The following TNRC18 variants were observed in gnomAD, a reference collection of about 807,000 sequenced individuals.
TNRC18 encodes trinucleotide repeat-containing gene 18 protein.
In TNRC18, 69 loss-of-function variants were observed where a neutral mutation model predicts 226.7. The ratio of observed to expected loss-of-function variants is 0.30; its 90% confidence interval spans 0.25 to 0.37. The LOEUF is 0.37. Among genes scored for constraint, TNRC18 ranks in the 10% least tolerant of loss-of-function variants. The pLI is 1.00. For missense variants in TNRC18, 4,754 were observed against 4,256.6 expected, an observed-to-expected ratio of 1.12 and a Z score of -3.25; for synonymous variants, 2,449 against 1,927.6, an observed-to-expected ratio of 1.27 and a Z score of -7.09.
chr7:5,357,609 G>C (rs901429682), intron 15 of TNRC18, among the ~76,000 whole-genome samples: 1 of 152,014 alleles, frequency 6.6e-6, no homozygotes. Context: ...CAGCTTTTCT[G>C]GTAGCTGGGA....
intron 5 of TNRC18, among the ~76,000 whole-genome samples, chr7:5,385,325 A>G (rs1318945022): frequency 1.3e-5 from 2 of 152,010 alleles, no homozygotes; most frequent in African/African-American, 4.8e-5. Flanking sequence ...CGTCTCTACT[A>G]AAAATACAAA....
intron 5 of TNRC18, 80 bp from the exon 6 acceptor site, chr7:5,378,104 C>T: frequency 2.5e-6 from 3 of 1,178,322 alleles, no homozygotes; most frequent in Non-Finnish European, 3.7e-6. Flanking sequence ...GCCCTCACCC[C>T]TCCCTGGGCC....
intron 8 of TNRC18, 100 bp from the exon 9 acceptor site, chr7:5,376,324 C>A (rs1278644029): frequency 1.8e-5 from 20 of 1,090,782 alleles, no homozygotes; most frequent in Non-Finnish European, 2.4e-5. Flanking sequence ...CACACCCACA[C>A]AGTGGGGAGC....
chr7:5,377,834 C>T lies in TNRC18; in HGVS notation c.2255+88G>A. The stretch of plus-strand genomic sequence containing the variant: ...ACCATAGCATCCATGGTCGAGGGGC[C>T]AAGCCCACCTGGGGTCATCCAGCTG... On this transcript the variant is annotated intron_variant, in intron 6 of 29. Coordinates refer to ENST00000430969, the MANE Select transcript of TNRC18 (RefSeq NM_001080495.3). The surrounding 1 kb of genome is among the most constrained non-coding windows in gnomAD (Gnocchi z 5.8). 1 of 1,357,946 alleles carries T rather than the reference C, an allele frequency of 7.4e-7. No homozygotes were observed. Among genetic ancestry groups the T allele is most frequent in the East Asian group, 2.3e-5 (1 of 42,570 alleles). 84.1% of individuals were successfully genotyped at this position (1,357,946 alleles called of 1,614,324 possible). A position where few individuals can be genotyped will look rare whatever the true frequency, so the allele number is the denominator to read the frequency against.
Position 5,389,461 on chromosome 7 carries a change from G to GTTTTTTTTTTTGTTTT in TNRC18, c.488-126_488-125insAAAACAAAAAAAAAAA, listed in dbSNP as rs754143983. The GTTTTTTTTTTTGTTTT allele has an allele frequency of 8.7e-5, 49 of 565,548 alleles. 1 individual carries two copies. In the African/African-American group the frequency reaches 1.3e-3, roughly 15 times the overall value. 35.0% of individuals were successfully genotyped at this position (565,548 alleles called of 1,614,324 possible). On this transcript the variant is annotated intron_variant, in intron 4 of 29. Transcript: ENST00000430969. ...TGCCTCCCCCAGTGTTTTGGTTTTG[G>GTTTTTTTTTTTGTTTT]TTTTTTTTTTCAGAAAGAGTCTCGC... is the stretch of plus-strand genomic sequence containing the variant.
intron 2 of TNRC18, among the ~76,000 whole-genome samples, chr7:5,395,570 G>A (rs1051693100): frequency 6.6e-6 from 1 of 152,246 alleles, no homozygotes; most frequent in African/African-American, 2.4e-5. Flanking sequence ...ACAGGTCAGA[G>A]AGAAGCATGC....
intron 2 of TNRC18, among the ~76,000 whole-genome samples, chr7:5,418,545 C>T (rs1782333670): frequency 6.6e-6 from 1 of 152,184 alleles, no homozygotes; most frequent in Non-Finnish European, 1.5e-5. Flanking sequence ...TTTATAAGCC[C>T]TGACAGCGCT....
intron 19 of TNRC18, among the ~76,000 whole-genome samples, chr7:5,329,106 G>A (rs1269949243): frequency 6.6e-6 from 1 of 151,140 alleles, no homozygotes; most frequent in African/African-American, 2.4e-5. Flanking sequence ...AGTTCGAGAC[G>A]AGACTGGCCA....
Position 5,388,443 on chromosome 7 carries a change from G to C in TNRC18, c.1381C>G (p.Pro461Ala). The C allele has an allele frequency of 6.8e-7, 1 of 1,460,650 alleles. No homozygotes were observed. The highest frequency in any genetic ancestry group is 1.5e-5 in the African/African-American group (1 of 66,500). The allele number at this position is 1,460,650 out of a possible 1,614,324, so 90.5% of individuals were successfully genotyped here. Reference protein sequence around the residue: ...RASPDPRAYVPAKELLKPEAD... With the variant: ...RASPDPRAYVAAKELLKPEAD... The stretch of plus-strand genomic sequence containing the variant: ...TCGGGCTTGAGCAGCTCCTTGGCAG[G>C]CACGTAGGCGCGGGGGTCCGGGGAG... Residue 461 changes from proline (P) to alanine (A), a missense_variant, in exon 5 of 30, where the codon CCT becomes GCT. Coordinates refer to ENST00000430969, the MANE Select transcript of TNRC18 (RefSeq NM_001080495.3).
intron 24 of TNRC18, among the ~76,000 whole-genome samples, chr7:5,316,341 A>ATGAT (rs1787849127): frequency 7.4e-6 from 1 of 135,652 alleles, no homozygotes. Context: ...GTGCAATGGC[A>ATGAT]TGATCTTGGC....
rs1299225207 is a variant in TNRC18, at chr7:5,320,389, G to A, written c.6674C>T (p.Pro2225Leu). 1 of 1,562,090 alleles carries A rather than the reference G, an allele frequency of 6.4e-7. No individual in the cohort carries two copies. The highest frequency in any genetic ancestry group is 1.4e-5 in the African/African-American group (1 of 73,756). The change falls in exon 24 of 30, where the codon CCA (proline) becomes CTA (leucine). Residue 2225 changes from proline (P) to leucine (L), a missense_variant. Coordinates refer to ENST00000430969, the MANE Select transcript of TNRC18 (RefSeq NM_001080495.3). ...DVRPASTRFL[P>L]QGTRIAAYWS... Reference sequence around the variant, plus strand: ...GTAGGCTGCAATCCTGGTCCCTTGTGGCAAGAAGCGAGTGGAGGCTGGCCT... The same window carrying A: ...GTAGGCTGCAATCCTGGTCCCTTGTAGCAAGAAGCGAGTGGAGGCTGGCCT...
chr7:5,327,745 T>TA lies in TNRC18; in HGVS notation c.6148-2498dup, dbSNP rs1261468626. ...CTGGGTGCCTTCCCCTACTTTTTTG[T>TA]AAAAAAAACATAAAGTAAATAAGAA... On this transcript the variant is annotated intron_variant, in intron 19 of 29. Transcript: ENST00000430969. Among the ~76,000 whole-genome samples, 807 of 151,338 alleles carry TA rather than the reference T, an allele frequency of 5.3e-3. 6 individuals carry two copies. The highest frequency in any genetic ancestry group is 0.017 in the African/African-American group (699 of 41,254).
intron 1 of TNRC18, chr7:5,422,771 C>G (rs1040401868): frequency 1.3e-5 from 2 of 152,276 alleles, no homozygotes; most frequent in Admixed American, 1.3e-4. Context: ...CAAACACCCC[C>G]TCCCTCCCTC....
intron 5 of TNRC18, among the ~76,000 whole-genome samples, chr7:5,382,804 G>A (rs191918018): frequency 6.6e-6 from 1 of 152,188 alleles, no homozygotes; most frequent in East Asian, 1.9e-4. Context: ...AATGGGGAGA[G>A]TAACAGCCCC....
At chr7:5,362,970 A>G (rs1793220603) in intron 11 of TNRC18, 145 bp from the exon 12 acceptor site, 2 of 796,240 alleles carry the variant, frequency 2.5e-6, no homozygotes, top group East Asian at 5.9e-5. Flanking sequence ...CCTTTGTGAC[A>G]TGCCGGAAGT....
chr7:5,361,215 C>T (rs1019422951), intron 14 of TNRC18, among the ~76,000 whole-genome samples: 6 of 152,146 alleles, frequency 3.9e-5, no homozygotes, highest in African/African-American at 1.2e-4. Flanking sequence ...GGAGACCGAG[C>T]GACAGCCGGG....
intron 2 of TNRC18, among the ~76,000 whole-genome samples, chr7:5,412,582 AT>A (rs1487208424): frequency 4.8e-5 from 7 of 144,446 alleles, no homozygotes; most frequent in African/African-American, 2.0e-4. Context: ...TCTCAAAAAA[AT>A]AAAATAAAAT....
In TNRC18 at chr7:5,352,661, C is replaced by T. The variant is rs958148943; in HGVS notation, c.5195-567G>A. On this transcript the variant is annotated intron_variant, in intron 16 of 29. Coordinates refer to ENST00000430969, the MANE Select transcript of TNRC18 (RefSeq NM_001080495.3). ...AGCAGATCCCTTGCCCTTCTTTCTA[C>T]GAGCCAGTGAGCCGGCCCACCACTG... Among the ~76,000 whole-genome samples, 5 of 152,274 alleles carry T rather than the reference C, an allele frequency of 3.3e-5. No individual in the cohort carries two copies. The South Asian group carries it at 6.2e-4, about 19-fold the overall frequency.
chr7:5,322,367 T>C (rs910798293), intron 21 of TNRC18, among the ~76,000 whole-genome samples: 9 of 152,108 alleles, frequency 5.9e-5, no homozygotes, highest in Non-Finnish European at 1.0e-4. Flanking sequence ...GGCAAGATCA[T>C]AGCTCACTGC....
Sources: allele counts gnomAD v4.1 joint callset (sites outside exome capture counted in the v4.1 genomes callset), GRCh38; gene constraint gnomAD v4.1.1; non-coding constraint Gnocchi (gnomAD v3.1); transcripts MANE v1.5; gene names NCBI Gene and HGNC (gene_info 2026-07-23, HGNC 2026-07-21).